Variants in TGM1 observed in about 807,000 individuals in gnomAD.
TGM1 encodes the protein protein-glutamine gamma-glutamyltransferase K.
In TGM1, 63 loss-of-function variants were observed where a neutral mutation model predicts 88.7. That is an observed-to-expected ratio of 0.71 (90% CI 0.58 to 0.88). The LOEUF is 0.88. Among genes scored for constraint, TGM1 ranks in the 40% least tolerant of loss-of-function variants. TGM1 has a pLI of 0.00. For missense variants in TGM1, 996 were observed against 1,118.0 expected (o/e 0.89, Z 1.56); for synonymous variants, 415 against 431.1 (o/e 0.96, Z 0.46).
intron 14 of TGM1, among the ~76,000 whole-genome samples, chr14:24,253,623 C>T (rs539868364): frequency 3.9e-5 from 6 of 152,220 alleles, no homozygotes; most frequent in East Asian, 1.9e-4. Context: ...GGACAACAGG[C>T]GCACAGCACC....
intron 14 of TGM1, among the ~76,000 whole-genome samples, chr14:24,252,823 T>C (rs545652581): frequency 6.6e-6 from 1 of 152,206 alleles, no homozygotes; most frequent in African/African-American, 2.4e-5. Flanking sequence ...TGTCTGAAGA[T>C]GAAGCCTGCC....
intron 14 of TGM1, among the ~76,000 whole-genome samples, chr14:24,250,906 G>A (rs1468544910): frequency 6.6e-6 from 1 of 152,144 alleles, no homozygotes; most frequent in East Asian, 1.9e-4. Flanking sequence ...TAGAACCTGT[G>A]CATTAACTAT....
At position 24,262,028 on chromosome 14, in the gene TGM1, C is replaced by A. The variant is rs775721427; in HGVS notation, c.319+6G>T. The A allele has an allele frequency of 6.2e-7, 1 of 1,613,420 alleles. No homozygotes were observed. The highest frequency in any genetic ancestry group is 2.2e-5 in the East Asian group (1 of 44,876). On this transcript the variant is annotated splice_donor_region_variant and intron_variant, in intron 2 of 14. Transcript: ENST00000206765. Reference sequence around the variant, plus strand: ...CTCTCAGCTGAGGAGGACAGACCGGCCTCACCTCGGATGGTGCCATCTCCA... The same window carrying A: ...CTCTCAGCTGAGGAGGACAGACCGGACTCACCTCGGATGGTGCCATCTCCA...
At chr14:24,262,447 C>T (rs2040822221) in intron 1 of TGM1, 93 bp from the exon 2 acceptor site, 2 of 1,356,578 alleles carry the variant, frequency 1.5e-6, no homozygotes, top group Admixed American at 3.9e-5. Context: ...TCAGTCCCAC[C>T]CGATGACCGA....
Position 24,261,958 on chromosome 14 carries a change from C to G in TGM1, c.320-75G>C, listed in dbSNP as rs557123236. ...CCTTATCATTAGCTTCCTATCCCCC[C>G]CAGAAATGCCAGGCTGAGTCTCTGG... On this transcript the variant is annotated intron_variant, in intron 2 of 14. Transcript: ENST00000206765. The G allele has an allele frequency of 5.6e-6, 9 of 1,609,964 alleles. No individual in the cohort carries two copies. In the African/African-American group the frequency reaches 8.0e-5, roughly 14 times the overall value.
Position 24,262,262 on chromosome 14 carries a change from G to C in TGM1, c.91C>G (p.Pro31Ala). Residue 31 changes from proline to alanine, a missense_variant, in exon 2 of 15, where the codon CCA (proline) becomes GCA (alanine). Physicochemically the swap from Pro to Ala is conservative, Grantham distance 27. Coordinates refer to ENST00000206765, the MANE Select transcript of TGM1 (RefSeq NM_000359.3). ...CCTCCTCTGCGAGAGCGTCCGTCTGGCTCTGGCTCTGGCTCTGGAGATGGC... is the reference window on the plus strand; with the variant it reads ...CCTCCTCTGCGAGAGCGTCCGTCTGCCTCTGGCTCTGGCTCTGGAGATGGC... ...TTPSPEPEPE[P>A]DGRSRRGGGR... 2.5e-6 allele frequency: 4 copies of C among 1,613,622 alleles called. No homozygotes were observed. Among genetic ancestry groups the C allele is most frequent in the Non-Finnish European group, 3.4e-6 (4 of 1,179,920 alleles).
Position 24,249,152 on chromosome 14 carries a change from T to C in TGM1, c.*161A>G. On this transcript the variant is annotated 3_prime_UTR_variant, in exon 15 of 15. Coordinates refer to ENST00000206765, the MANE Select transcript of TGM1 (RefSeq NM_000359.3). ...AGTTTATTAGCATCTGTTCCCCCAGTGCAAGTGAAGACTGACTCCCTCTCC... is the reference window on the plus strand; with the variant it reads ...AGTTTATTAGCATCTGTTCCCCCAGCGCAAGTGAAGACTGACTCCCTCTCC... 1 of 702,332 alleles carries C rather than the reference T, an allele frequency of 1.4e-6. No individual in the cohort carries two copies. The allele number at this position is 702,332 out of a possible 1,614,324, so 43.5% of individuals were successfully genotyped here.
In TGM1 at chr14:24,259,125, T is replaced by A; in HGVS notation, c.1109A>T (p.Tyr370Phe). 1.2e-6 allele frequency: 2 copies of A among 1,614,124 alleles called. No homozygotes were observed. The highest frequency in any genetic ancestry group is 1.7e-6 in the Non-Finnish European group (2 of 1,180,000). The change falls in exon 7 of 15, where the codon TAT (tyrosine) becomes TTT (phenylalanine). Residue 370 changes from tyrosine to phenylalanine, a missense_variant. Tyr to Phe is a conservative substitution (Grantham distance 22). Transcript: ENST00000206765. The surrounding 1 kb of genome is among the most constrained non-coding windows in gnomAD (Gnocchi z 5.7). ...CCAGCACTGGCCATAGGGGACGGAATATCCCGTGCGTAGGTAGCTAAGCAG... is the reference window on the plus strand; with the variant it reads ...CCAGCACTGGCCATAGGGGACGGAAAATCCCGTGCGTAGGTAGCTAAGCAG... ...EILLSYLRTG[Y>F]SVPYGQCWVF...
chr14:24,255,018 G>A lies in TGM1; in HGVS notation c.1881C>T (p.Thr627=). The A allele has an allele frequency of 6.2e-7, 1 of 1,614,016 alleles. No homozygotes were observed. The highest frequency in any genetic ancestry group is 8.5e-7 in the Non-Finnish European group (1 of 1,180,028). The change falls in exon 12 of 15, where the codon ACC becomes ACT. Residue 627 remains threonine (T), a synonymous_variant. Transcript: ENST00000206765. The surrounding 1 kb of genome is among the most constrained non-coding windows in gnomAD (Gnocchi z 4.0). ...CTTCCTTCTTGGTCTCCTTGAAGAT[G>A]GTACCACTGACACCAGTATAGAAAG... ...SVTFYTGVSG[T]IFKETKKEVE... is the part of the protein sequence containing the mutation.
Position 24,258,302 on chromosome 14 carries a change from G to A in TGM1, c.1385C>T (p.Pro462Leu). Reference sequence around the variant, plus strand: ...CAGCTTACCACTGCTAGTCTCTTGGGGTGTGGCATCCACCACCTGCCACCC... The same window carrying A: ...CAGCTTACCACTGCTAGTCTCTTGGAGTGTGGCATCCACCACCTGCCACCC... ...FDGWQVVDAT[P>L]QETSSGIFCC... The change falls in exon 9 of 15, where the codon CCC becomes CTC. Residue 462 changes from proline to leucine, a missense_variant. Coordinates refer to ENST00000206765, the MANE Select transcript of TGM1 (RefSeq NM_000359.3). 6.2e-7 allele frequency: 1 copy of A among 1,613,602 alleles called. No individual in the cohort carries two copies. The highest frequency in any genetic ancestry group is 1.1e-5 in the South Asian group (1 of 91,066).
rs2273303 is a variant in TGM1 at position 24,255,568 on chromosome 14, T to C, written c.1492-51A>G. The C allele has an allele frequency of 0.035, 56,443 of 1,608,370 alleles. 3,921 individuals are homozygous for C. The highest frequency in any genetic ancestry group is 0.3 in the East Asian group (13,306 of 44,824). ...ATGAGTGAGCCAGAGGGTCTGAGGG[T>C]GGCCTGACTCCCGGCCTCCTTCCCC... On this transcript the variant is annotated intron_variant, in intron 10 of 14. Coordinates refer to ENST00000206765, the MANE Select transcript of TGM1 (RefSeq NM_000359.3). This position sits in a 1 kb window ranked among gnomAD's most constrained non-coding sequence, Gnocchi z 4.0.
rs1033892140 is a variant in TGM1 at position 24,255,077 on chromosome 14, G to A, written c.1822C>T (p.Arg608Cys). 12 of 1,614,024 alleles carry A rather than the reference G, an allele frequency of 7.4e-6. No homozygotes were observed. Among genetic ancestry groups the A allele is most frequent in the South Asian group, 4.4e-5 (4 of 91,092 alleles). The change falls in exon 12 of 15, where the codon CGC becomes TGC. Residue 608 changes from arginine (R) to cysteine (C), a missense_variant. Transcript: ENST00000206765. This position sits in a 1 kb window ranked among gnomAD's most constrained non-coding sequence, Gnocchi z 4.0. ...VMLINHSSSR[R>C]TVKLHLYLSV... is the part of the protein sequence containing the mutation. ...AGGTAGAGGTGCAGTTTCACTGTGC[G>A]GCGGCTGCTGCTGTGATTGATCAGC...
chr14:24,260,290 G>T, intron 4 of TGM1, 160 bp downstream of exon 4: 2 of 1,259,980 alleles, frequency 1.6e-6, no homozygotes, highest in Non-Finnish European at 2.2e-6. Context: ...CCCTGGGCTG[G>T]CCACCTTTCT....
intron 8 of TGM1, 43 bp from the exon 9 acceptor site, chr14:24,258,431 C>G (rs748823160): frequency 6.2e-7 from 1 of 1,612,708 alleles, no homozygotes. Flanking sequence ...GCCCCAGGGT[C>G]AGGAGTCCTC....
intron 9 of TGM1, among the ~76,000 whole-genome samples, chr14:24,256,380 C>G (rs1045389523): frequency 2.6e-5 from 4 of 152,234 alleles, no homozygotes; most frequent in African/African-American, 9.6e-5. Context: ...GACCAGCCTG[C>G]CTGATAACCA....
Position 24,255,274 on chromosome 14 carries a change from G to A in TGM1, c.1646-21C>T. On this transcript the variant is annotated intron_variant, in intron 11 of 14. Transcript: ENST00000206765. This position sits in a 1 kb window ranked among gnomAD's most constrained non-coding sequence, Gnocchi z 4.0. ...TGAGCCTGGGGGTTGAGGGTCAAGG[G>A]TGAGGTTCCAATTCCCACGTGGGTG... is the stretch of plus-strand genomic sequence containing the variant. 2 of 1,614,048 alleles carry A rather than the reference G, an allele frequency of 1.2e-6. No individual in the cohort carries two copies. Among genetic ancestry groups the A allele is most frequent in the African/African-American group, 2.7e-5 (2 of 75,062 alleles).
Position 24,258,644 on chromosome 14 carries a change from T to C in TGM1, c.1189A>G (p.Thr397Ala), listed in dbSNP as rs1262768476. ...VLRCLGLATR[T>A]VTNFNSAHDT... ...TGGGCGGAGTTGAAGTTGGTGACAG[T>C]ACGGGTGGCCAGACCCAGGCAGCGC... Residue 397 changes from threonine to alanine, a missense_variant, in exon 8 of 15, where the codon ACT becomes GCT. Coordinates refer to ENST00000206765, the MANE Select transcript of TGM1 (RefSeq NM_000359.3). 3.1e-6 allele frequency: 5 copies of C among 1,614,072 alleles called. No individual in the cohort carries two copies. The South Asian group carries it at 5.5e-5, about 18-fold the overall frequency.
Position 24,255,904 on chromosome 14 carries a change from C to A in TGM1, c.1491+85G>T. 1 of 1,164,004 alleles carries A rather than the reference C, an allele frequency of 8.6e-7. No homozygotes were observed. The highest frequency in any genetic ancestry group is 1.3e-5 in the South Asian group (1 of 75,944). 72.1% of individuals were successfully genotyped at this position (1,164,004 alleles called of 1,614,324 possible). On this transcript the variant is annotated intron_variant, in intron 10 of 14. Transcript: ENST00000206765. The surrounding 1 kb of genome is among the most constrained non-coding windows in gnomAD (Gnocchi z 4.0). ...GTATAATGAGTGACTTGCCCCGGGT[C>A]GCAGAGCTGGTCAGTCAGCGGTGAA...
rs1413809528 is a variant in TGM1 at position 24,254,250 on chromosome 14, T to C, written c.2127A>G (p.Val709=). ...GAAVVGQECE[V]QIVFKNPLPV... is the part of the protein sequence containing the mutation. Reference sequence around the variant, plus strand: ...GAAGGGGGTTCTTGAAGACAATCTGTACTTCACACTCCTGGCCAACCACTG... The same window carrying C: ...GAAGGGGGTTCTTGAAGACAATCTGCACTTCACACTCCTGGCCAACCACTG... Residue 709 remains valine, a synonymous_variant, in exon 14 of 15, where the codon GTA becomes GTG. Coordinates refer to ENST00000206765, the MANE Select transcript of TGM1 (RefSeq NM_000359.3). 3 of 1,613,866 alleles carry C rather than the reference T, an allele frequency of 1.9e-6. No homozygotes were observed. Among genetic ancestry groups the C allele is most frequent in the Non-Finnish European group, 2.5e-6 (3 of 1,179,990 alleles).
Sources: allele counts gnomAD v4.1 joint callset (sites outside exome capture counted in the v4.1 genomes callset), GRCh38; gene constraint gnomAD v4.1.1; non-coding constraint Gnocchi (gnomAD v3.1); transcripts MANE v1.5; gene names NCBI Gene and HGNC (gene_info 2026-07-23, HGNC 2026-07-21).